CDK14: variants seen among roughly 807,000 people sequenced by gnomAD.
CDK14 encodes cyclin dependent kinase 14, also known as cyclin-dependent kinase 14.
Under a neutral mutation model 60.7 loss-of-function variants are expected in CDK14, and 34 were observed. The observed-to-expected ratio is 0.56, with a 90% CI of 0.43 to 0.75. CDK14 has a LOEUF of 0.75. CDK14 is among the 30% of genes least tolerant of loss of function. The pLI, the probability that CDK14 is intolerant of heterozygous loss-of-function variation, is 0.00. For synonymous variants in CDK14, 197 were observed against 203.7 expected (o/e 0.97, Z 0.28); for missense variants, 482 against 564.1 (o/e 0.85, Z 1.47).
intron 8 of CDK14, among the ~76,000 whole-genome samples, chr7:90,927,612 A>C (rs1422291340): frequency 6.6e-6 from 1 of 152,172 alleles, no homozygotes; most frequent in East Asian, 1.9e-4. Context: ...TATATATAAA[A>C]GGTAAAATAT....
intron 14 of CDK14, among the ~76,000 whole-genome samples, chr7:91,130,464 G>C (rs893890881): frequency 6.6e-6 from 1 of 152,034 alleles, no homozygotes. Context: ...GAGTCTTAAG[G>C]GGTCCTAAGA....
intron 14 of CDK14, among the ~76,000 whole-genome samples, chr7:91,147,494 T>C (rs2115663317): frequency 6.6e-6 from 1 of 152,340 alleles, no homozygotes; most frequent in African/African-American, 2.4e-5. Flanking sequence ...CTGTCTTTGA[T>C]GAAGAACCTT....
chr7:91,018,031 TATTTCTGA>T (rs1181238570), intron 10 of CDK14, among the ~76,000 whole-genome samples: 2 of 152,220 alleles, frequency 1.3e-5, no homozygotes, highest in Admixed American at 6.5e-5. Flanking sequence ...GGGACAGTGG[TATTTCTGA>T]GTGAATTTAT....
chr7:91,178,729 A>C (rs1408836143), intron 14 of CDK14, among the ~76,000 whole-genome samples: 1 of 151,666 alleles, frequency 6.6e-6, no homozygotes, highest in East Asian at 1.9e-4. Context: ...ACTGGCCATC[A>C]GAGAAATGCA....
intron 2 of CDK14, among the ~76,000 whole-genome samples, chr7:90,720,718 C>G (rs141248737): frequency 2.3e-4 from 35 of 152,000 alleles, no homozygotes; most frequent in African/African-American, 8.2e-4. Flanking sequence ...TTTCTCTATT[C>G]TTTTTTATAC....
intron 5 of CDK14, among the ~76,000 whole-genome samples, chr7:90,833,870 T>G (rs1790001558): frequency 6.6e-6 from 1 of 152,220 alleles, no homozygotes; most frequent in African/African-American, 2.4e-5. Context: ...AACAAACCCC[T>G]CATACCTTTT....
chr7:90,729,765 T>C (rs1356444943), intron 3 of CDK14, among the ~76,000 whole-genome samples: 1 of 152,076 alleles, frequency 6.6e-6, no homozygotes, highest in Non-Finnish European at 1.5e-5. Flanking sequence ...GTCTTTTCTC[T>C]TACCTTATCA....
intron 9 of CDK14, among the ~76,000 whole-genome samples, chr7:90,960,248 G>C (rs1191133098): frequency 6.6e-6 from 1 of 152,100 alleles, no homozygotes; most frequent in Non-Finnish European, 1.5e-5. Flanking sequence ...AGACCACAGT[G>C]CTTTGGGGGT....
intron 14 of CDK14, among the ~76,000 whole-genome samples, chr7:91,155,546 CAGTT>C (rs1433835354): frequency 2.6e-5 from 4 of 152,198 alleles, no homozygotes; most frequent in African/African-American, 4.8e-5. Flanking sequence ...ACTTGTGAAG[CAGTT>C]AGTTCTCCAA....
At chr7:90,921,100 G>A (rs1343070657) in intron 8 of CDK14, among the ~76,000 whole-genome samples, 1 of 152,086 alleles carries the variant, frequency 6.6e-6, no homozygotes. Context: ...AAAATTATAT[G>A]GAGGCATTCA....
intron 5 of CDK14, among the ~76,000 whole-genome samples, chr7:90,833,012 G>A (rs1789964549): frequency 6.6e-6 from 1 of 152,162 alleles, no homozygotes; most frequent in African/African-American, 2.4e-5. Flanking sequence ...CATCATGTCA[G>A]CACTTAGCTG....
intron 14 of CDK14, among the ~76,000 whole-genome samples, chr7:91,174,120 A>C (rs1243425171): frequency 6.6e-6 from 1 of 151,920 alleles, no homozygotes. Flanking sequence ...GAGAACGGGC[A>C]GACTGCCTCC....
intron 5 of CDK14, among the ~76,000 whole-genome samples, chr7:90,851,963 A>G (rs762454478): frequency 3.9e-5 from 6 of 152,060 alleles, no homozygotes; most frequent in Non-Finnish European, 7.4e-5. Flanking sequence ...TTGTGGCGTA[A>G]TCACAGCTCA....
chr7:90,782,779 A>C (rs780220428), intron 4 of CDK14, among the ~76,000 whole-genome samples: 3 of 152,218 alleles, frequency 2.0e-5, no homozygotes, highest in Non-Finnish European at 2.9e-5. Flanking sequence ...ATCTTGAATC[A>C]GAGAGTAAAA....
chr7:90,894,169 G>A (rs1393218399), intron 6 of CDK14, among the ~76,000 whole-genome samples: 1 of 152,076 alleles, frequency 6.6e-6, no homozygotes, highest in Non-Finnish European at 1.5e-5. Context: ...ACAATGTTCT[G>A]AAACTGCTAT....
chr7:91,127,777 A>G (rs1350879943), intron 14 of CDK14, among the ~76,000 whole-genome samples: 1 of 152,158 alleles, frequency 6.6e-6, no homozygotes, highest in Non-Finnish European at 1.5e-5. Flanking sequence ...TTATTTACAA[A>G]CAAAACTAAA....
At chr7:90,659,191 C>T (rs867821028) in intron 2 of CDK14, among the ~76,000 whole-genome samples, 7 of 152,152 alleles carry the variant, frequency 4.6e-5, no homozygotes, top group Admixed American at 2.0e-4. Flanking sequence ...AAGTGGCATT[C>T]CCAGTGTAAT....
At chr7:91,035,183 A>G (rs184756881) in intron 10 of CDK14, among the ~76,000 whole-genome samples, 61 of 152,322 alleles carry the variant, frequency 4.0e-4, no homozygotes, top group Non-Finnish European at 2.8e-4. Context: ...TTGCAGCCAC[A>G]TAAAAACAAA....
rs556168988 is a variant in CDK14 at position 90,864,536 on chromosome 7, T to C, written c.639+1267T>C. Among the ~76,000 whole-genome samples, 12 of 152,270 alleles carry C rather than the reference T, an allele frequency of 7.9e-5. No individual in the cohort carries two copies. The South Asian group carries it at 2.5e-3, about 31-fold the overall frequency. ...TTTTGTAGAAAAGAGATTTCAAAAA[T>C]GTACTTATTCTGTCCCTCAAATTAG... On this transcript the variant is annotated intron_variant, in intron 6 of 14. Coordinates refer to ENST00000380050, the MANE Select transcript of CDK14 (RefSeq NM_001287135.2).
Sources: allele counts gnomAD v4.1 joint callset (sites outside exome capture counted in the v4.1 genomes callset), GRCh38; gene constraint gnomAD v4.1.1; transcripts MANE v1.5; gene names NCBI Gene and HGNC (gene_info 2026-07-23, HGNC 2026-07-21).